The following NCAM2 variants were observed in gnomAD, a reference collection of about 807,000 sequenced individuals.
NCAM2 encodes N-CAM-2.
A neutral mutation model predicts 98.1 loss-of-function variants in NCAM2; 30 were observed. The ratio of observed to expected loss-of-function variants is 0.31; its 90% CI spans 0.23 to 0.41. The LOEUF is 0.41. Among genes scored for constraint, NCAM2 ranks in the 10% least tolerant of loss-of-function variants. The pLI is 1.00. For synonymous variants in NCAM2, 368 were observed against 342.4 expected (o/e 1.07, Z -0.83); for missense variants, 867 against 1,005.8 (o/e 0.86, Z 1.87).
At chr21:21,534,791 C>A in intron 17 of NCAM2, 135 bp downstream of exon 17, 1 of 883,728 alleles carries the variant, frequency 1.1e-6, no homozygotes, top group South Asian at 4.5e-5. Flanking sequence ...GATGAAAGTA[C>A]ATGTGAATAT....
chr21:21,449,451 T>C (rs1037263906), intron 12 of NCAM2, among the ~76,000 whole-genome samples: 22 of 152,024 alleles, frequency 1.4e-4, no homozygotes, highest in African/African-American at 5.1e-4. Flanking sequence ...GTACATATGA[T>C]GTTTGCTAGA....
chr21:21,315,536 A>G (rs1022760425), intron 5 of NCAM2, among the ~76,000 whole-genome samples: 5 of 152,174 alleles, frequency 3.3e-5, no homozygotes, highest in Non-Finnish European at 5.9e-5. Flanking sequence ...ACTACAGTTT[A>G]TCTGATTGAA....
At chr21:21,534,743 A>G in intron 17 of NCAM2, 87 bp downstream of exon 17, 1 of 1,153,600 alleles carries the variant, frequency 8.7e-7, no homozygotes, top group Non-Finnish European at 1.1e-6. Context: ...ATATTTAAAT[A>G]TTAATTATTT....
At chr21:21,219,118 C>T (rs1343911513) in intron 1 of NCAM2, among the ~76,000 whole-genome samples, 1 of 152,198 alleles carries the variant, frequency 6.6e-6, no homozygotes, top group Non-Finnish European at 1.5e-5. Context: ...TGCAGCCCAA[C>T]ACAAATTCAT....
At chr21:21,202,842 G>T (rs1434200603) in intron 1 of NCAM2, among the ~76,000 whole-genome samples, 3 of 152,072 alleles carry the variant, frequency 2.0e-5, no homozygotes, top group Non-Finnish European at 2.9e-5. Flanking sequence ...TTTATAAGTG[G>T]ATATTTTCCA....
At chr21:21,068,524 A>G (rs1035089243) in intron 1 of NCAM2, among the ~76,000 whole-genome samples, 2 of 146,722 alleles carry the variant, frequency 1.4e-5, no homozygotes, top group Admixed American at 6.8e-5. Flanking sequence ...CAGTGGCGCA[A>G]TCTCGGCTCA....
At chr21:21,535,563 A>C (rs897232222) in intron 17 of NCAM2, among the ~76,000 whole-genome samples, 6 of 152,100 alleles carry the variant, frequency 3.9e-5, no homozygotes, top group Admixed American at 3.9e-4. Flanking sequence ...AGGGGCTGAA[A>C]TAATTAATAT....
At chr21:21,148,444 C>A (rs2067352109) in intron 1 of NCAM2, among the ~76,000 whole-genome samples, 1 of 152,198 alleles carries the variant, frequency 6.6e-6, no homozygotes, top group African/African-American at 2.4e-5. Context: ...TGTCATCAAA[C>A]AGCCTCTCTG....
At chr21:21,532,257 A>G (rs1015839561) in intron 16 of NCAM2, among the ~76,000 whole-genome samples, 14 of 152,008 alleles carry the variant, frequency 9.2e-5, no homozygotes, top group African/African-American at 3.1e-4. Flanking sequence ...TCTTTTATAG[A>G]TTATAGCTAA....
In NCAM2 at chr21:21,512,126, CT is replaced by C. The variant is rs1988425705; in HGVS notation, c.2282+3074del. On this transcript the variant is annotated intron_variant, in intron 16 of 17. Transcript: ENST00000400546. ...GTGTGATCCCATTTGTCCATGTTTG[CT>C]TTGTTTATGCTTGAGAGGTATTACT... Among the ~76,000 whole-genome samples the C allele has an allele frequency of 2.0e-5, 3 of 151,908 alleles. No homozygotes were observed. The South Asian group carries it at 6.2e-4, about 32-fold the overall frequency.
intron 1 of NCAM2, among the ~76,000 whole-genome samples, chr21:21,265,455 T>TA (rs2072219930): frequency 5.0e-5 from 7 of 141,354 alleles, no homozygotes; most frequent in Non-Finnish European, 1.1e-4. Flanking sequence ...TACACACATA[T>TA]ATAATATATG....
At chr21:21,298,544 C>T (rs3933665) in intron 5 of NCAM2, among the ~76,000 whole-genome samples, 111,702 of 151,202 alleles carry the variant, frequency 0.74, 41,387 homozygotes, top group South Asian at 0.82. Flanking sequence ...ATAACTGTTA[C>T]TTCAGAAATT....
chr21:21,452,626 A>AATATATT (rs1296048577), intron 12 of NCAM2, among the ~76,000 whole-genome samples: 3 of 113,150 alleles, frequency 2.7e-5, no homozygotes, highest in Admixed American at 2.5e-4. Context: ...TAATATATAC[A>AATATATT]ATATATTATA....
chr21:21,492,726 C>T (rs763346112), intron 15 of NCAM2, among the ~76,000 whole-genome samples: 1 of 151,810 alleles, frequency 6.6e-6, no homozygotes, highest in Non-Finnish European at 1.5e-5. Flanking sequence ...TCAACACTTA[C>T]AATTTGCATA....
chr21:21,009,313 A>C (rs1287570479), intron 1 of NCAM2, among the ~76,000 whole-genome samples: 1 of 152,146 alleles, frequency 6.6e-6, no homozygotes, highest in Non-Finnish European at 1.5e-5. Context: ...ACTGACATGC[A>C]TATAGGAGAT....
intron 16 of NCAM2, among the ~76,000 whole-genome samples, chr21:21,510,515 G>C (rs1988300509): frequency 6.6e-6 from 1 of 152,060 alleles, no homozygotes; most frequent in Non-Finnish European, 1.5e-5. Context: ...TTCAAGGACT[G>C]ATGCTTTTTT....
chr21:21,227,767 GA>G (rs2070448045), intron 1 of NCAM2, among the ~76,000 whole-genome samples: 1 of 151,698 alleles, frequency 6.6e-6, no homozygotes, highest in Non-Finnish European at 1.5e-5. Context: ...TTGGCTATCT[GA>G]ATGGAAAAAA....
chr21:21,054,943 T>G (rs73895175), intron 1 of NCAM2, among the ~76,000 whole-genome samples: 4,176 of 152,120 alleles, frequency 0.027, 191 homozygotes, highest in African/African-American at 0.096. Flanking sequence ...CGAAGTTGGC[T>G]TAAGACCCTA....
intron 1 of NCAM2, among the ~76,000 whole-genome samples, chr21:21,218,628 A>G (rs2070007861): frequency 6.6e-6 from 1 of 152,210 alleles, no homozygotes; most frequent in South Asian, 2.1e-4. Flanking sequence ...GAAGAAAGGC[A>G]GAGATTTGCA....
Sources: gnomAD v4.1 joint callset for allele counts (sites outside exome capture counted in the v4.1 genomes callset) on GRCh38, gnomAD v4.1.1 for gene constraint, MANE v1.5 for transcripts, NCBI Gene and HGNC (gene_info 2026-07-23, HGNC 2026-07-21) for gene names.